Variants in OXR1 observed in about 807,000 individuals in gnomAD.
The protein encoded by OXR1 is oxidation resistance 1, also known as oxidation resistance protein 1.
Under a neutral mutation model 104.6 loss-of-function variants are expected in OXR1, and 41 were observed. The ratio of observed to expected loss-of-function variants is 0.39; its 90% confidence interval spans 0.31 to 0.51. OXR1 has a LOEUF of 0.51. OXR1 is among the 20% of genes least tolerant of loss of function. The pLI, the probability that OXR1 is intolerant of heterozygous loss-of-function variation, is 0.77. For missense variants in OXR1, 955 were observed against 1,031.9 expected (o/e 0.93, Z 1.02); for synonymous variants, 348 against 348.4 (o/e 1.00, Z 0.01).
At chr8:106,318,835 C>A (rs1024022600) in intron 1 of OXR1, among the ~76,000 whole-genome samples, 1 of 152,074 alleles carries the variant, frequency 6.6e-6, no homozygotes, top group Non-Finnish European at 1.5e-5. Context: ...CATTAGAGCC[C>A]AGTATGGTAA....
rs1820014955 is a variant in OXR1, at chr8:106,446,447, T to C, written c.24-72496T>C. Among the ~76,000 whole-genome samples, 5 of 151,880 alleles carry C rather than the reference T, an allele frequency of 3.3e-5. No individual in the cohort carries two copies. The South Asian group carries it at 1.0e-3, about 32-fold the overall frequency. On this transcript the variant is annotated intron_variant, in intron 2 of 16. Transcript: ENST00000517566. ...AGCCTGACCAACATGGTGAAACCCT[T>C]TCTCTACTAAAAATGCAAAAATTAG...
intron 3 of OXR1, among the ~76,000 whole-genome samples, chr8:106,571,508 G>C (rs1817468922): frequency 6.6e-6 from 1 of 152,064 alleles, no homozygotes; most frequent in Non-Finnish European, 1.5e-5. Flanking sequence ...ATATGAACTG[G>C]GTGGCGGCCA....
chr8:106,654,352 A>T (rs1476836815), intron 3 of OXR1, among the ~76,000 whole-genome samples: 1 of 152,104 alleles, frequency 6.6e-6, no homozygotes, highest in Non-Finnish European at 1.5e-5. Context: ...TGGGTTTAGG[A>T]ATAGAATTGA....
rs558405501 is a variant in OXR1 at position 106,608,905 on chromosome 8, C to A, written c.221-70305C>A. Reference sequence around the variant, plus strand: ...TAGTGACAACATTGTGAATTTAGTTCTAGCTGATGCTTGCTACATTGCATT... The same window carrying A: ...TAGTGACAACATTGTGAATTTAGTTATAGCTGATGCTTGCTACATTGCATT... On this transcript the variant is annotated intron_variant, in intron 3 of 16. Coordinates refer to ENST00000517566, the MANE Select transcript of OXR1 (RefSeq NM_001198533.2). Among the ~76,000 whole-genome samples the A allele has an allele frequency of 6.6e-5, 10 of 152,286 alleles. No individual in the cohort carries two copies. In the South Asian group the frequency reaches 2.1e-3, roughly 32 times the overall value.
chr8:106,731,027 T>C (rs1006942639), intron 11 of OXR1, among the ~76,000 whole-genome samples: 2 of 152,228 alleles, frequency 1.3e-5, no homozygotes, highest in African/African-American at 4.8e-5. Flanking sequence ...CTGCTGACAT[T>C]TGCTGTTGTC....
chr8:106,617,900 G>A (rs187170246), intron 3 of OXR1: 44 of 394,310 alleles, frequency 1.1e-4, no homozygotes, highest in Non-Finnish European at 1.4e-4. Context: ...GCATGTCGTC[G>A]TCACCGTTTC....
At chr8:106,655,778 G>A (rs59915384) in intron 3 of OXR1, among the ~76,000 whole-genome samples, 2,884 of 152,112 alleles carry the variant, frequency 0.019, 96 homozygotes, top group African/African-American at 0.065. Context: ...CGACTCAGCC[G>A]AGTTTAAATC....
intron 3 of OXR1, among the ~76,000 whole-genome samples, chr8:106,576,649 ATTAT>A (rs1173116793): frequency 6.6e-6 from 1 of 152,042 alleles, no homozygotes; most frequent in Non-Finnish European, 1.5e-5. Context: ...TTTAAAAATC[ATTAT>A]TTAGGCATTG....
intron 1 of OXR1, among the ~76,000 whole-genome samples, chr8:106,293,371 T>C (rs1812838116): frequency 6.6e-6 from 1 of 152,180 alleles, no homozygotes; most frequent in Non-Finnish European, 1.5e-5. Flanking sequence ...CATTGCAGCA[T>C]TGAATTAGAT....
intron 2 of OXR1, among the ~76,000 whole-genome samples, chr8:106,379,450 T>C (rs1332612585): frequency 2.6e-5 from 4 of 152,156 alleles, no homozygotes; most frequent in Non-Finnish European, 2.9e-5. Flanking sequence ...GTTGTGGCAT[T>C]TAATTGATAT....
intron 3 of OXR1, among the ~76,000 whole-genome samples, chr8:106,620,457 GTCT>G (rs1249595130): frequency 1.3e-5 from 2 of 152,032 alleles, no homozygotes; most frequent in South Asian, 2.1e-4. Context: ...ACTTCATAAA[GTCT>G]TCTTTTTTCC....
intron 1 of OXR1, among the ~76,000 whole-genome samples, chr8:106,281,691 A>T (rs955955442): frequency 1.3e-5 from 2 of 150,430 alleles, no homozygotes; most frequent in African/African-American, 4.9e-5. Flanking sequence ...TCCCAGCTAC[A>T]TGGGAGGCTG....
intron 2 of OXR1, among the ~76,000 whole-genome samples, chr8:106,498,155 A>G (rs1409268606): frequency 6.6e-6 from 1 of 152,228 alleles, no homozygotes; most frequent in Non-Finnish European, 1.5e-5. Flanking sequence ...GTTGTTTGCT[A>G]TAAATTACAT....
intron 1 of OXR1, among the ~76,000 whole-genome samples, chr8:106,330,002 C>T (rs1188004614): frequency 1.3e-5 from 2 of 152,134 alleles, no homozygotes; most frequent in African/African-American, 4.8e-5. Flanking sequence ...CCCTCTCTGT[C>T]TGTAGCCCTA....
chr8:106,739,067 A>C (rs1029763538), intron 12 of OXR1, among the ~76,000 whole-genome samples: 1 of 116,080 alleles, frequency 8.6e-6, no homozygotes, highest in African/African-American at 3.2e-5. Context: ...ATTCTATTTT[A>C]AATAGCATAC....
At chr8:106,431,579 G>A (rs1482648569) in intron 2 of OXR1, among the ~76,000 whole-genome samples, 1 of 152,134 alleles carries the variant, frequency 6.6e-6, no homozygotes, top group East Asian at 1.9e-4. Flanking sequence ...TAACCAAAAT[G>A]GCATTATGTT....
chr8:106,464,582 G>A (rs1475788339), intron 2 of OXR1, among the ~76,000 whole-genome samples: 3 of 151,738 alleles, frequency 2.0e-5, no homozygotes, highest in African/African-American at 4.8e-5. Context: ...TCAGCCTATC[G>A]CAGCTATCCT....
intron 2 of OXR1, among the ~76,000 whole-genome samples, chr8:106,488,668 T>G (rs1810861134): frequency 6.8e-6 from 1 of 146,994 alleles, no homozygotes; most frequent in East Asian, 2.0e-4. Context: ...CAGCACCATT[T>G]ATTAAATAGG....
chr8:106,357,268 G>A (rs77134415), intron 1 of OXR1, among the ~76,000 whole-genome samples: 2,166 of 151,862 alleles, frequency 0.014, 58 homozygotes, highest in African/African-American at 0.049. Context: ...TAAAAATGAG[G>A]CAATACAGCT....
Sources: allele counts gnomAD v4.1 joint callset (sites outside exome capture counted in the v4.1 genomes callset), GRCh38; gene constraint gnomAD v4.1.1; transcripts MANE v1.5; gene names NCBI Gene and HGNC (gene_info 2026-07-23, HGNC 2026-07-21).